FBN1: variants seen among roughly 807,000 people sequenced by gnomAD.
The protein encoded by FBN1 is fibrillin-1.
A neutral mutation model predicts 365.1 loss-of-function variants in FBN1; 29 were observed. The ratio of observed to expected loss-of-function variants is 0.08; its 90% confidence interval spans 0.06 to 0.11. FBN1 has a LOEUF of 0.11. FBN1 is among the 10% of genes least tolerant of loss of function. The probability of loss-of-function intolerance (pLI) is 1.00; values close to 1 mark genes in which losing one functional copy is unlikely to be tolerated. For missense variants in FBN1, 2,476 were observed against 3,703.2 expected (o/e 0.67, Z 8.60); for synonymous variants, 1,210 against 1,270.5 (o/e 0.95, Z 1.01).
intron 6 of FBN1, among the ~76,000 whole-genome samples, chr15:48,587,425 GAATGGA>G (rs1281755741): frequency 2.6e-5 from 4 of 152,176 alleles, no homozygotes; most frequent in African/African-American, 9.7e-5. Context: ...CAGTTCAATA[GAATGGA>G]AGGGCATCGT....
intron 6 of FBN1, among the ~76,000 whole-genome samples, chr15:48,585,618 T>C (rs895736510): frequency 6.6e-6 from 1 of 152,240 alleles, no homozygotes; most frequent in African/African-American, 2.4e-5. Context: ...AAATATTTAA[T>C]AGATACCTAC....
intron 17 of FBN1, among the ~76,000 whole-genome samples, chr15:48,499,525 C>G (rs1421047389): frequency 6.6e-6 from 1 of 152,098 alleles, no homozygotes; most frequent in East Asian, 1.9e-4. Flanking sequence ...AACAGAATAC[C>G]TACTCTTGCA....
At chr15:48,509,804 G>A (rs2043743371) in intron 14 of FBN1, among the ~76,000 whole-genome samples, 1 of 152,008 alleles carries the variant, frequency 6.6e-6, no homozygotes, top group African/African-American at 2.4e-5. Context: ...TGCCACAGAA[G>A]TTTCATCACA....
chr15:48,439,059 G>T (rs2043093630), intron 50 of FBN1, among the ~76,000 whole-genome samples: 1 of 152,036 alleles, frequency 6.6e-6, no homozygotes, highest in South Asian at 2.1e-4. Context: ...AACCACCTAA[G>T]CACTTCTGTT....
At chr15:48,518,041 AAGTT>A (rs1232172553) in intron 10 of FBN1, among the ~76,000 whole-genome samples, 1 of 152,158 alleles carries the variant, frequency 6.6e-6, no homozygotes, top group Admixed American at 6.5e-5. Context: ...ATCTCAGGTC[AAGTT>A]TATGTTTTCA....
At chr15:48,572,267 G>A (rs2044311830) in intron 6 of FBN1, among the ~76,000 whole-genome samples, 1 of 152,140 alleles carries the variant, frequency 6.6e-6, no homozygotes, top group South Asian at 2.1e-4. Flanking sequence ...CATTATAAAT[G>A]AAGGATTCTC....
At chr15:48,531,649 C>T (rs543765919) in intron 8 of FBN1, among the ~76,000 whole-genome samples, 1 of 152,110 alleles carries the variant, frequency 6.6e-6, no homozygotes, top group Admixed American at 6.6e-5. Flanking sequence ...AGACACCAGC[C>T]GATGCCCAGA....
chr15:48,536,040 C>G (rs989674188), intron 7 of FBN1, among the ~76,000 whole-genome samples: 3 of 152,032 alleles, frequency 2.0e-5, no homozygotes, highest in African/African-American at 7.2e-5. Flanking sequence ...TGCCCACAGC[C>G]CCTCACATCT....
chr15:48,525,383 G>A (rs866520962), intron 9 of FBN1, among the ~76,000 whole-genome samples: 112 of 152,242 alleles, frequency 7.4e-4, no homozygotes, highest in African/African-American at 2.4e-3. Context: ...GAGCTACTGC[G>A]CCCAGCCAAA....
chr15:48,506,723 G>C (rs1451385065), intron 15 of FBN1, among the ~76,000 whole-genome samples: 2 of 152,134 alleles, frequency 1.3e-5, no homozygotes, highest in African/African-American at 2.4e-5. Flanking sequence ...ACATCTTTGT[G>C]GGCTCAGAAC....
chr15:48,474,691 A>C, intron 32 of FBN1, 41 bp from the exon 33 acceptor site: 1 of 1,613,706 alleles, frequency 6.2e-7, no homozygotes, highest in Non-Finnish European at 8.5e-7. Context: ...GCTCAGCACA[A>C]ATGTCTTTTG....
intron 2 of FBN1, among the ~76,000 whole-genome samples, chr15:48,635,101 G>A (rs1399231589): frequency 6.6e-6 from 1 of 152,122 alleles, no homozygotes; most frequent in African/African-American, 2.4e-5. Context: ...TTGAATGTAA[G>A]TATGACTGAT....
At position 48,491,875 on chromosome 15, in the gene FBN1, G is replaced by A. The variant is rs557198913; in HGVS notation, c.2854+586C>T. 4.6e-5 allele frequency among the ~76,000 whole-genome samples: 7 copies of A among 152,300 alleles called. No individual in the cohort carries two copies. In the East Asian group the frequency reaches 5.8e-4, roughly 13 times the overall value. On this transcript the variant is annotated intron_variant, in intron 24 of 65. Transcript: ENST00000316623. ...GCGATCTCAAACTTGCCACTATCAC[G>A]AGCCCATAGGGACTTAGGACTTAGA...
At chr15:48,411,452 G>T in intron 65 of FBN1, 73 bp from the exon 66 acceptor site, 2 of 1,424,098 alleles carry the variant, frequency 1.4e-6, no homozygotes, top group South Asian at 2.3e-5. Context: ...AAGAAAAAAT[G>T]ACTCAAATTT....
chr15:48,526,026 T>G (rs537138613), intron 9 of FBN1, 104 bp downstream of exon 9: 2 of 1,445,134 alleles, frequency 1.4e-6, no homozygotes, highest in Non-Finnish European at 1.9e-6. Flanking sequence ...ACATTTTACC[T>G]CAGTTGATAA....
At chr15:48,504,331 A>G (rs1248641018) in intron 16 of FBN1, among the ~76,000 whole-genome samples, 1 of 152,242 alleles carries the variant, frequency 6.6e-6, no homozygotes, top group African/African-American at 2.4e-5. Flanking sequence ...CCTTTATTAG[A>G]AATGCGGCCT....
chr15:48,636,442 G>A (rs935712703), intron 2 of FBN1, among the ~76,000 whole-genome samples: 1 of 152,136 alleles, frequency 6.6e-6, no homozygotes, highest in Non-Finnish European at 1.5e-5. Flanking sequence ...ATGTGACCAG[G>A]GTCAGGAGGC....
chr15:48,537,834 T>A, intron 6 of FBN1, 26 bp from the exon 7 acceptor site: 2 of 1,611,640 alleles, frequency 1.2e-6, no homozygotes, highest in South Asian at 1.1e-5. Flanking sequence ...AAAAATCTGA[T>A]GAAAATCCAG....
At chr15:48,431,300 C>T (rs749830111) in intron 55 of FBN1, among the ~76,000 whole-genome samples, 53 of 151,768 alleles carry the variant, frequency 3.5e-4, no homozygotes, top group Non-Finnish European at 6.5e-4. Context: ...GGGGTTTCAC[C>T]ATGTTGTCCA....
Sources: gnomAD v4.1 joint callset for allele counts (sites outside exome capture counted in the v4.1 genomes callset) on GRCh38, gnomAD v4.1.1 for gene constraint, MANE v1.5 for transcripts, NCBI Gene and HGNC (gene_info 2026-07-23, HGNC 2026-07-21) for gene names.